Variants in DNAH7 observed in about 807,000 individuals in gnomAD.
DNAH7 encodes the protein axonemal beta dynein heavy chain 7.
In DNAH7, 397 loss-of-function variants were observed where a neutral mutation model predicts 444.6. The ratio of observed to expected loss-of-function variants is 0.89; its 90% CI spans 0.82 to 0.97. The LOEUF is 0.97. Ranked by LOEUF, DNAH7 falls within the 50% of genes least tolerant of loss-of-function variation. The pLI is 0.00. For missense variants in DNAH7, 4,902 were observed against 4,800.8 expected, an observed-to-expected ratio of 1.02 and a Z score of -0.62; for synonymous variants, 1,636 against 1,624.4, an observed-to-expected ratio of 1.01 and a Z score of -0.17.
intron 12 of DNAH7, 143 bp downstream of exon 12, chr2:196,000,561 G>C: frequency 1.5e-6 from 1 of 680,836 alleles, no homozygotes; most frequent in Non-Finnish European, 2.2e-6. Context: ...TTTGGAAAAT[G>C]GTAGTTTTTT....
rs896904696 is a variant in DNAH7 at position 195,821,797 on chromosome 2, T to C, written c.9291+2458A>G. On this transcript the variant is annotated intron_variant, in intron 49 of 64. Coordinates refer to ENST00000312428, the MANE Select transcript of DNAH7 (RefSeq NM_018897.3). ...TCCACATCTCTGTATTCCCAGCTCC[T>C]GCTACTGGGTGGGAGATATCGTGTT... Among the ~76,000 whole-genome samples the C allele has an allele frequency of 2.0e-5, 3 of 152,232 alleles. 1 individual carries two copies. The highest frequency in any genetic ancestry group is 2.0e-4 in the Admixed American group (3 of 15,284).
At chr2:195,827,482 T>C (rs1013763091) in intron 48 of DNAH7, among the ~76,000 whole-genome samples, 3 of 152,074 alleles carry the variant, frequency 2.0e-5, no homozygotes, top group African/African-American at 4.8e-5. Flanking sequence ...CTTCACCATG[T>C]TGTTGCCCAG....
intron 17 of DNAH7, among the ~76,000 whole-genome samples, chr2:195,965,851 CTCTT>C (rs1193210577): frequency 6.6e-5 from 10 of 152,026 alleles, no homozygotes; most frequent in Non-Finnish European, 1.2e-4. Context: ...TGGGTCTTCT[CTCTT>C]TTTTTCTTGG....
chr2:195,933,234 T>C (rs1031856726), intron 21 of DNAH7, among the ~76,000 whole-genome samples: 3 of 152,070 alleles, frequency 2.0e-5, no homozygotes, highest in Admixed American at 1.3e-4. Flanking sequence ...TGGCGATCAT[T>C]AAAAAGTCAG....
At chr2:195,741,864 T>G (rs954313199) in intron 63 of DNAH7, among the ~76,000 whole-genome samples, 4 of 152,268 alleles carry the variant, frequency 2.6e-5, no homozygotes, top group Middle Eastern at 3.4e-3. Context: ...AAGAGGCTGG[T>G]ATTAGTAAGC....
intron 59 of DNAH7, among the ~76,000 whole-genome samples, chr2:195,777,242 T>C (rs1695106163): frequency 6.6e-6 from 1 of 152,204 alleles, no homozygotes; most frequent in Non-Finnish European, 1.5e-5. Context: ...TGGACAGGAC[T>C]GGAGAAGAGC....
intron 48 of DNAH7, among the ~76,000 whole-genome samples, chr2:195,828,502 G>A (rs1014190778): frequency 8.6e-5 from 13 of 151,710 alleles, no homozygotes; most frequent in Admixed American, 2.0e-4. Context: ...GGAAAACAGC[G>A]TGAACCCAGG....
At chr2:195,953,707 A>G (rs1302873766) in intron 19 of DNAH7, among the ~76,000 whole-genome samples, 1 of 152,226 alleles carries the variant, frequency 6.6e-6, no homozygotes, top group Non-Finnish European at 1.5e-5. Context: ...GGCTCTACCC[A>G]GTTGGAACTT....
At chr2:195,963,240 A>G (rs1691233310) in intron 17 of DNAH7, among the ~76,000 whole-genome samples, 1 of 152,226 alleles carries the variant, frequency 6.6e-6, no homozygotes, top group African/African-American at 2.4e-5. Context: ...ACAGTGTAAG[A>G]AAGTTTCCTT....
intron 4 of DNAH7, among the ~76,000 whole-genome samples, 154 bp from the exon 5 acceptor site, chr2:196,047,653 G>A (rs1277273025): frequency 1.3e-5 from 2 of 149,694 alleles, no homozygotes; most frequent in East Asian, 2.0e-4. Flanking sequence ...ACTATCAGGA[G>A]GTTAAACTAC....
Position 195,856,255 on chromosome 2 carries a change from G to C in DNAH7, c.8415-264C>G. On this transcript the variant is annotated intron_variant, in intron 44 of 64. Coordinates refer to ENST00000312428, the MANE Select transcript of DNAH7 (RefSeq NM_018897.3). ...GAATTTTGATAACTTTCCAAAAGGA[G>C]AGTAGGATAGTCATGTAGAATATTA... is the stretch of plus-strand genomic sequence containing the variant. Among the ~76,000 whole-genome samples, 2 of 152,274 alleles carry C rather than the reference G, an allele frequency of 1.3e-5. 1 individual carries two copies. The highest frequency in any genetic ancestry group is 4.8e-5 in the African/African-American group (2 of 41,554).
rs149368278 is a variant in DNAH7, at chr2:196,012,737, A to G, written c.989+50T>C. On this transcript the variant is annotated intron_variant, in intron 10 of 64. Coordinates refer to ENST00000312428, the MANE Select transcript of DNAH7 (RefSeq NM_018897.3). Reference sequence around the variant, plus strand: ...AAGCAGTTAAAATGCAGTAGCCCACAATCATATTTTTAAACTTATGCTTTC... The same window carrying G: ...AAGCAGTTAAAATGCAGTAGCCCACGATCATATTTTTAAACTTATGCTTTC... 5.4e-4 allele frequency: 851 copies of G among 1,582,090 alleles called. 7 individuals carry two copies. The African/African-American group carries it at 0.011, about 20-fold the overall frequency.
chr2:195,999,026 G>A (rs575913477), intron 12 of DNAH7: 2 of 694,808 alleles, frequency 2.9e-6, no homozygotes, highest in African/African-American at 1.8e-5. Context: ...TGAGTTTCCG[G>A]CAAGGTGGAT....
intron 22 of DNAH7, 31 bp downstream of exon 22, chr2:195,926,395 T>TA (rs749161962): frequency 1.6e-5 from 24 of 1,464,948 alleles, no homozygotes; most frequent in Non-Finnish European, 2.1e-5. Flanking sequence ...AAAAAATGCT[T>TA]AAAAAAACCC....
intron 49 of DNAH7, 38 bp from the exon 50 acceptor site, chr2:195,817,867 TTCTGTTAAAAAGTC>T (rs1697296502): frequency 6.8e-7 from 1 of 1,476,590 alleles, no homozygotes; most frequent in African/African-American, 1.4e-5. Flanking sequence ...ACATCATTAT[TTCTGTTAAAAAGTC>T]TCTGCTTTTA....
chr2:196,042,770 C>A (rs1261528403), intron 5 of DNAH7, among the ~76,000 whole-genome samples: 1 of 152,052 alleles, frequency 6.6e-6, no homozygotes, highest in African/African-American at 2.4e-5. Flanking sequence ...TGTACAGCAG[C>A]TTGGAAAACA....
chr2:195,909,880 C>T, intron 25 of DNAH7, 147 bp downstream of exon 25: 1 of 801,694 alleles, frequency 1.2e-6, no homozygotes, highest in Non-Finnish European at 1.9e-6. Context: ...AACCTTATTT[C>T]CTTTAAGAAT....
intron 34 of DNAH7, among the ~76,000 whole-genome samples, chr2:195,885,807 G>C (rs563189423): frequency 6.6e-6 from 1 of 152,214 alleles, no homozygotes; most frequent in South Asian, 2.1e-4. Flanking sequence ...ATTATAGTTT[G>C]GAAAGGAGGT....
intron 57 of DNAH7, among the ~76,000 whole-genome samples, chr2:195,789,370 G>C (rs1695770883): frequency 6.6e-6 from 1 of 152,172 alleles, no homozygotes; most frequent in African/African-American, 2.4e-5. Flanking sequence ...GCGGAGAAGG[G>C]AGAACTGTTG....
Sources: gnomAD v4.1 joint callset for allele counts (sites outside exome capture counted in the v4.1 genomes callset) on GRCh38, gnomAD v4.1.1 for gene constraint, MANE v1.5 for transcripts, NCBI Gene and HGNC (gene_info 2026-07-23, HGNC 2026-07-21) for gene names.